The following EPC1 variants were observed in gnomAD, a reference collection of about 807,000 sequenced individuals.
EPC1 encodes the protein enhancer of polycomb homolog 1.
Under a neutral mutation model 98.4 loss-of-function variants are expected in EPC1, and 12 were observed. The observed-to-expected ratio is 0.12, with a 90% CI of 0.08 to 0.20. The LOEUF is 0.20. Among genes scored for constraint, EPC1 ranks in the 10% least tolerant of loss-of-function variants. The pLI is 1.00. For missense variants in EPC1, 729 were observed against 990.5 expected, an observed-to-expected ratio of 0.74 and a Z score of 3.54; for synonymous variants, 357 against 363.9, an observed-to-expected ratio of 0.98 and a Z score of 0.21.
At chr10:32,276,694 G>A (rs1592534828) in intron 10 of EPC1, among the ~76,000 whole-genome samples, 1 of 152,164 alleles carries the variant, frequency 6.6e-6, no homozygotes, top group Non-Finnish European at 1.5e-5. Context: ...ATGGGCAAAA[G>A]AAATCTGAAC....
At chr10:32,349,440 T>G (rs1006324482), upstream of EPC1, among the ~76,000 whole-genome samples, 1 of 152,242 alleles carries the variant, frequency 6.6e-6, no homozygotes, top group African/African-American at 2.4e-5. Flanking sequence ...GATAATATTA[T>G]ATGCCTGCTA....
chr10:32,279,252 G>A (rs1289261513), intron 10 of EPC1, among the ~76,000 whole-genome samples: 1 of 152,010 alleles, frequency 6.6e-6, no homozygotes, highest in Non-Finnish European at 1.5e-5. Flanking sequence ...GGGAGGCTGA[G>A]GTGGGAGAAT....
At chr10:32,378,499 CA>C (rs776180073) in exon 1 of EPC1, 14 of 1,546,154 alleles carry the variant, frequency 9.1e-6, no homozygotes, top group Non-Finnish European at 1.2e-5. Flanking sequence ...ACCATTAGTG[CA>C]GGCAAAGAAG....
upstream of EPC1, among the ~76,000 whole-genome samples, chr10:32,352,088 A>G (rs951876127): frequency 7.6e-6 from 1 of 131,714 alleles, no homozygotes; most frequent in Non-Finnish European, 1.6e-5. Flanking sequence ...TCTGTCGCCC[A>G]GGCTGGAGTG....
intron 10 of EPC1, chr10:32,282,833 G>GT (rs1836479227): frequency 3.3e-5 from 5 of 152,196 alleles, no homozygotes. Flanking sequence ...TTTCTGAGAA[G>GT]TCTTAAAGAA....
intron 6 of EPC1, among the ~76,000 whole-genome samples, chr10:32,290,405 A>G (rs1395408136): frequency 6.8e-6 from 1 of 147,290 alleles, no homozygotes; most frequent in Non-Finnish European, 1.5e-5. Context: ...AGAATCGCTT[A>G]AACTCGGGAG....
chr10:32,357,851 ATT>A (rs58968767), intron 1 of EPC1, among the ~76,000 whole-genome samples: 70 of 124,570 alleles, frequency 5.6e-4, no homozygotes, highest in African/African-American at 1.9e-3. Flanking sequence ...TTCTCAATAA[ATT>A]TTTTTTTTTT....
At chr10:32,275,353 G>C (rs1000002621) in intron 10 of EPC1, among the ~76,000 whole-genome samples, 1 of 152,206 alleles carries the variant, frequency 6.6e-6, no homozygotes, top group Non-Finnish European at 1.5e-5. Flanking sequence ...TGCAATCAAG[G>C]CCAGGCGCGG....
chr10:32,305,339 G>A (rs1302543357), intron 2 of EPC1, among the ~76,000 whole-genome samples: 1 of 152,216 alleles, frequency 6.6e-6, no homozygotes, highest in Admixed American at 6.5e-5. Flanking sequence ...CACTGCAACA[G>A]CAGAACTGAA....
intron 1 of EPC1, among the ~76,000 whole-genome samples, chr10:32,354,349 G>T (rs1183377229): frequency 6.6e-6 from 1 of 152,124 alleles, no homozygotes; most frequent in African/African-American, 2.4e-5. Context: ...AGCTACTTGG[G>T]AGGCTGAGGT....
chr10:32,355,342 C>T (rs901098023), intron 1 of EPC1, among the ~76,000 whole-genome samples: 7 of 152,178 alleles, frequency 4.6e-5, no homozygotes, highest in South Asian at 2.1e-4. Context: ...AGGAACTATT[C>T]GGTAGTCTCT....
intron 1 of EPC1, among the ~76,000 whole-genome samples, chr10:32,337,264 C>T (rs1021929400): frequency 3.9e-5 from 6 of 152,220 alleles, no homozygotes; most frequent in South Asian, 2.1e-4. Context: ...CTACTTGATA[C>T]GCTGTGTATT....
At chr10:32,339,551 A>G (rs1838199166) in intron 1 of EPC1, among the ~76,000 whole-genome samples, 1 of 152,094 alleles carries the variant, frequency 6.6e-6, no homozygotes, top group Admixed American at 6.6e-5. Flanking sequence ...CTCAATAGTA[A>G]TAATAATAAT....
chr10:32,308,385 C>A (rs1371814058), intron 1 of EPC1, among the ~76,000 whole-genome samples: 17 of 148,236 alleles, frequency 1.1e-4, no homozygotes, highest in Non-Finnish European at 1.0e-4. Context: ...GCAACAGTCT[C>A]AAAAAAAAAA....
At chr10:32,305,514 T>C (rs1002841919) in intron 2 of EPC1, among the ~76,000 whole-genome samples, 25 of 152,138 alleles carry the variant, frequency 1.6e-4, no homozygotes, top group African/African-American at 5.6e-4. Context: ...TTTTTTTTTT[T>C]TTCTTATCCT....
intron 2 of EPC1, among the ~76,000 whole-genome samples, chr10:32,297,270 A>C (rs1353767174): frequency 6.8e-6 from 1 of 146,478 alleles, no homozygotes; most frequent in Admixed American, 7.2e-5. Context: ...GAGACCTAGC[A>C]GGTTAATAAT....
intron 1 of EPC1, among the ~76,000 whole-genome samples, chr10:32,319,292 G>A (rs1276818896): frequency 6.6e-6 from 1 of 152,190 alleles, no homozygotes; most frequent in African/African-American, 2.4e-5. Context: ...TCTTGATAGA[G>A]ATTCCATGAC....
intron 1 of EPC1, among the ~76,000 whole-genome samples, chr10:32,306,495 A>C (rs552394580): frequency 3.3e-5 from 5 of 152,182 alleles, no homozygotes; most frequent in African/African-American, 1.2e-4. Context: ...CTTTCTGAGC[A>C]GCTGCAGAGT....
At chr10:32,341,110 TAAG>T (rs369099189) in intron 1 of EPC1, among the ~76,000 whole-genome samples, 1 of 152,232 alleles carries the variant, frequency 6.6e-6, no homozygotes, top group African/African-American at 2.4e-5. Context: ...TCTCTTCTTC[TAAG>T]AAGTACAATC....
Sources: gnomAD v4.1 joint callset for allele counts (sites outside exome capture counted in the v4.1 genomes callset) on GRCh38, gnomAD v4.1.1 for gene constraint, MANE v1.5 for transcripts, NCBI Gene and HGNC (gene_info 2026-07-23, HGNC 2026-07-21) for gene names.